The following DNTTIP2 variants were observed in gnomAD, a reference collection of about 807,000 sequenced individuals.
DNTTIP2 encodes deoxynucleotidyltransferase terminal interacting protein 2, also known as deoxynucleotidyltransferase terminal-interacting protein 2.
In DNTTIP2, 47 loss-of-function variants were observed where a neutral mutation model predicts 62.4. The observed-to-expected ratio is 0.75, with a 90% CI of 0.60 to 0.96. DNTTIP2 has a LOEUF of 0.96. DNTTIP2 is among the 40% of genes least tolerant of loss of function. The pLI, the probability that DNTTIP2 is intolerant of heterozygous loss-of-function variation, is 0.00. For missense variants in DNTTIP2, 870 were observed against 849.1 expected, an observed-to-expected ratio of 1.02 and a Z score of -0.31; for synonymous variants, 322 against 300.9, an observed-to-expected ratio of 1.07 and a Z score of -0.73.
At position 93,876,827 on chromosome 1, in the gene DNTTIP2, C is replaced by T; in HGVS notation, c.1108G>A (p.Val370Met). The change falls in exon 2 of 7, where the codon GTG becomes ATG. Residue 370 changes from valine to methionine, a missense_variant. Physicochemically the swap from Val to Met is conservative, Grantham distance 21. Transcript: ENST00000436063. The stretch of plus-strand genomic sequence containing the variant: ...TTGTTATTCCATCTGCCTACTTCCA[C>T]AGTTGCAAATGTTTGAGTTAATGAT... ...MKSLTQTFAT[V>M]EVGRWNNNKK... 6.2e-7 allele frequency: 1 copy of T among 1,613,968 alleles called. No individual in the cohort carries two copies. The highest frequency in any genetic ancestry group is 8.5e-7 in the Non-Finnish European group (1 of 1,179,900).
At position 93,868,596 on chromosome 1, in the gene DNTTIP2, C is replaced by T. The variant is rs975155603; in HGVS notation, c.*1255G>A. The T allele has an allele frequency of 5.3e-5, 8 of 152,124 alleles. No homozygotes were observed. Among genetic ancestry groups the T allele is most frequent in the African/African-American group, 1.9e-4 (8 of 41,420 alleles). 9.4% of individuals were successfully genotyped at this position (152,124 alleles called of 1,614,324 possible). A position where few individuals can be genotyped will look rare whatever the true frequency, so the allele number is the denominator to read the frequency against. ...ACAATAGAAAAGACTTGGAACCAAC[C>T]CAAATGCCCATGAATGATAGACTGG... On this transcript the variant is annotated 3_prime_UTR_variant, in exon 7 of 7. Coordinates refer to ENST00000436063, the MANE Select transcript of DNTTIP2 (RefSeq NM_014597.5).
rs1197621968 is a variant in DNTTIP2, at chr1:93,879,095, A to G, written c.54T>C (p.Ala18=). Residue 18 remains alanine, a synonymous_variant, in exon 1 of 7, where the codon GCT becomes GCC. Coordinates refer to ENST00000436063, the MANE Select transcript of DNTTIP2 (RefSeq NM_014597.5). ...RAKASIQAAS[A]ESSGQKSFAA... ...TTCCTACCTTTTGCCCGGAACTTTC[A>G]GCCGACGCGGCTTGGATGCTGGCCT... The G allele has an allele frequency of 1.1e-5, 18 of 1,613,760 alleles. No homozygotes were observed. Among genetic ancestry groups the G allele is most frequent in the Non-Finnish European group, 1.4e-5 (17 of 1,179,870 alleles).
chr1:93,875,764 T>A lies in DNTTIP2; in HGVS notation c.1687A>T (p.Ser563Cys). 1 of 1,610,032 alleles carries A rather than the reference T, an allele frequency of 6.2e-7. No individual in the cohort carries two copies. Among genetic ancestry groups the A allele is most frequent in the Non-Finnish European group, 8.5e-7 (1 of 1,179,016 alleles). Residue 563 changes from serine (S) to cysteine (C), a missense_variant, in exon 3 of 7, where the codon AGC becomes TGC. Transcript: ENST00000436063. ...TTGATACTCAGACCAGGGTCTATGC[T>A]GCTGCTTGTCAACTTCAGACTGAAA... ...KAKLLKLTSS[S>C]IDPGLSIKQL...
chr1:93,873,788 G>A (rs1046593392), intron 3 of DNTTIP2, among the ~76,000 whole-genome samples: 9 of 152,122 alleles, frequency 5.9e-5, no homozygotes, highest in Non-Finnish European at 1.3e-4. Context: ...AAATAAATTT[G>A]TGCAGTCAAA....
intron 1 of DNTTIP2, among the ~76,000 whole-genome samples, chr1:93,878,191 C>A (rs148638683): frequency 6.6e-6 from 1 of 152,106 alleles, no homozygotes; most frequent in Non-Finnish European, 1.5e-5. Flanking sequence ...GTAATCCCAA[C>A]TACTCAGGAG....
At chr1:93,871,081 T>C (rs1655850173) in intron 5 of DNTTIP2, 2 of 193,166 alleles carry the variant, frequency 1.0e-5, no homozygotes, top group African/African-American at 2.3e-5. Context: ...ATATATACTT[T>C]TTGTTCTAGT....
In DNTTIP2 at chr1:93,866,420, G is replaced by A. The variant is rs1411643640; in HGVS notation, c.*3431C>T. ...AAATAGTAAGTACAAATTCCATTAA[G>A]TAAACAATTAGGCATTTTTCAATGG... On this transcript the variant is annotated 3_prime_UTR_variant, in exon 7 of 7. Transcript: ENST00000436063. 2 of 152,160 alleles carry A rather than the reference G, an allele frequency of 1.3e-5. No homozygotes were observed. Among genetic ancestry groups the A allele is most frequent in the Admixed American group, 6.5e-5 (1 of 15,274 alleles). The allele number at this position is 152,160 out of a possible 1,614,324, so 9.4% of individuals were successfully genotyped here. A position where few individuals can be genotyped will look rare whatever the true frequency, so the allele number is the denominator to read the frequency against.
At position 93,878,964 on chromosome 1, in the gene DNTTIP2, T is replaced by TCGGGTCCTCTCTGTCGG. The variant is rs1656084905; in HGVS notation, c.72+96_72+112dup. The TCGGGTCCTCTCTGTCGG allele has an allele frequency of 8.6e-6, 12 of 1,389,474 alleles. No homozygotes were observed. The Middle Eastern group carries it at 2.3e-3, about 272-fold the overall frequency. The allele number at this position is 1,389,474 out of a possible 1,614,324, so 86.1% of individuals were successfully genotyped here. ...TGGGAGACCCAAGCGCGCGGCAAGCTCGGGTCCTCTCTGTCGGCAGGTCCT... is the reference window on the plus strand; with the variant it reads ...TGGGAGACCCAAGCGCGCGGCAAGCTCGGGTCCTCTCTGTCGGCGGGTCCTCTCTGTCGGCAGGTCCT... On this transcript the variant is annotated intron_variant, in intron 1 of 6. Transcript: ENST00000436063.
rs1251054120 is a variant in DNTTIP2 at position 93,874,058 on chromosome 1, TTC to T, written c.1807-846_1807-845del. ...ACAATTCAGGTTCAGGCCTAGATGTTTCTGTGTGGTATAGGTAGCCGTCTAGG... is the reference window on the plus strand; with the variant it reads ...ACAATTCAGGTTCAGGCCTAGATGTTTGTGTGGTATAGGTAGCCGTCTAGG... On this transcript the variant is annotated intron_variant, in intron 3 of 6. Transcript: ENST00000436063. Among the ~76,000 whole-genome samples, 5 of 152,360 alleles carry T rather than the reference TTC, an allele frequency of 3.3e-5. No homozygotes were observed. The Middle Eastern group carries it at 0.01, about 311-fold the overall frequency.
In DNTTIP2 at chr1:93,875,752, C is replaced by T; in HGVS notation, c.1699G>A (p.Gly567Ser). The T allele has an allele frequency of 6.2e-7, 1 of 1,612,894 alleles. No homozygotes were observed. Among genetic ancestry groups the T allele is most frequent in the Non-Finnish European group, 8.5e-7 (1 of 1,179,626 alleles). The change falls in exon 3 of 7, where the codon GGT becomes AGT. Residue 567 changes from glycine to serine, a missense_variant. Gly to Ser is a moderately conservative substitution (Grantham distance 56). Transcript: ENST00000436063. ...CCACCCAACTGCTTGATACTCAGAC[C>T]AGGGTCTATGCTGCTGCTTGTCAAC... is the stretch of plus-strand genomic sequence containing the variant. ...LKLTSSSIDP[G>S]LSIKQLGGLY...
Position 93,876,895 on chromosome 1 carries a change from G to A in DNTTIP2, c.1040C>T (p.Ala347Val), listed in dbSNP as rs1416545273. 1 of 1,613,880 alleles carries A rather than the reference G, an allele frequency of 6.2e-7. No homozygotes were observed. The highest frequency in any genetic ancestry group is 1.7e-5 in the Admixed American group (1 of 60,012). ...GTTCAGATTAGAGTGCACTGATACA[G>A]CATTTTTATTTTGGGGGGTTGAATG... ...QRHSTPQNKN[A>V]VSVHSNLNSE... Residue 347 changes from alanine to valine, a missense_variant, in exon 2 of 7, where the codon GCT becomes GTT. Ala to Val is a moderately conservative substitution (Grantham distance 64). Coordinates refer to ENST00000436063, the MANE Select transcript of DNTTIP2 (RefSeq NM_014597.5).
At position 93,873,123 on chromosome 1, in the gene DNTTIP2, C is replaced by T. The variant is rs201618193; in HGVS notation, c.1898G>A (p.Arg633His). Reference protein sequence around the residue: ...SESKYQLQKKRRKERQKTAGD... With the variant: ...SESKYQLQKKHRKERQKTAGD... ...TAATTAAGTCACTGTACTTACTCTG[C>T]GTTTTTTCTGAAGTTGATACTTTGA... The change falls in exon 4 of 7, where the codon CGC (arginine) becomes CAC (histidine). Residue 633 changes from arginine to histidine, a missense_variant. Arg to His is a conservative substitution (Grantham distance 29). Transcript: ENST00000436063. 1,479 of 1,603,292 alleles carry T rather than the reference C, an allele frequency of 9.2e-4. 2 individuals are homozygous for T. The highest frequency in any genetic ancestry group is 1.1e-3 in the Non-Finnish European group (1,269 of 1,172,738).
rs1489420466 is a variant in DNTTIP2, at chr1:93,867,741, G to T, written c.*2110C>A. Reference sequence around the variant, plus strand: ...TTTGTAGAAGGCCAGAAGCACTAAAGGATACAATTCTCTCATACTGGGTCC... The same window carrying T: ...TTTGTAGAAGGCCAGAAGCACTAAATGATACAATTCTCTCATACTGGGTCC... On this transcript the variant is annotated 3_prime_UTR_variant, in exon 7 of 7. Transcript: ENST00000436063. The T allele has an allele frequency of 6.6e-6, 1 of 151,936 alleles. No individual in the cohort carries two copies. The highest frequency in any genetic ancestry group is 1.5e-5 in the Non-Finnish European group (1 of 67,996). 9.4% of individuals were successfully genotyped at this position (151,936 alleles called of 1,614,324 possible).
At chr1:93,878,896 G>A (rs1656082782) in intron 1 of DNTTIP2, 181 bp downstream of exon 1, 2 of 738,728 alleles carry the variant, frequency 2.7e-6, no homozygotes, top group African/African-American at 1.8e-5. Flanking sequence ...AAGAGACAGT[G>A]GTGAAGGCTA....
chr1:93,877,169 T>C lies in DNTTIP2; in HGVS notation c.766A>G (p.Asn256Asp), dbSNP rs369212219. 14 of 1,613,422 alleles carry C rather than the reference T, an allele frequency of 8.7e-6. No individual in the cohort carries two copies. The highest frequency in any genetic ancestry group is 1.1e-5 in the Non-Finnish European group (13 of 1,179,872). The change falls in exon 2 of 7, where the codon AAT becomes GAT. Residue 256 changes from asparagine to aspartate, a missense_variant. By Grantham distance (23) the Asn-to-Asp change is conservative (BLOSUM62 1). Transcript: ENST00000436063. Reference protein sequence around the residue: ...HLQARSLSEINKPNFYNNDFD... With the variant: ...HLQARSLSEIDKPNFYNNDFD... ...TCATTATTATAGAAATTTGGCTTATTTATCTCAGAAAGAGATCTTGCTTGT... is the reference window on the plus strand; with the variant it reads ...TCATTATTATAGAAATTTGGCTTATCTATCTCAGAAAGAGATCTTGCTTGT...
At chr1:93,870,942 C>CAA (rs57384286) in intron 5 of DNTTIP2, 150 bp from the exon 6 acceptor site, 1,590 of 364,178 alleles carry the variant, frequency 4.4e-3, no homozygotes, top group East Asian at 0.011. Flanking sequence ...TTATTTAAAG[C>CAA]AAAAAAAAAA....
chr1:93,870,575 T>C (rs1655832892), intron 6 of DNTTIP2, 108 bp downstream of exon 6: 1 of 526,874 alleles, frequency 1.9e-6, no homozygotes. Context: ...TGTTAATATG[T>C]TATGGGTTAT....
At position 93,876,610 on chromosome 1, in the gene DNTTIP2, AAGAC is replaced by A. The variant is rs763661699; in HGVS notation, c.1321_1324del (p.Val441TyrfsTer2). 38 of 1,613,914 alleles carry A rather than the reference AAGAC, an allele frequency of 2.4e-5. No homozygotes were observed. Among genetic ancestry groups the A allele is most frequent in the Non-Finnish European group, 3.1e-5 (37 of 1,179,900 alleles). Reference sequence around the variant, plus strand: ...GCTTTCATCACTGCTGAGAACTAGTAAGACAGAATTATCTTTACCCTGAGATGTG... The same window carrying A: ...GCTTTCATCACTGCTGAGAACTAGTAAGAATTATCTTTACCCTGAGATGTG... On this transcript the variant is annotated frameshift_variant, in exon 2 of 7. Transcript: ENST00000436063. LOFTEE classifies it high-confidence loss of function.
In DNTTIP2 at chr1:93,877,082, T is replaced by C. The variant is rs1455406274; in HGVS notation, c.853A>G (p.Asn285Asp). The change falls in exon 2 of 7, where the codon AAT becomes GAT. Residue 285 changes from asparagine to aspartate, a missense_variant. Physicochemically the swap from Asn to Asp is conservative, Grantham distance 23. Transcript: ENST00000436063. ...TTTGTTTCTTTAAGAGATTCAACAT[T>C]GGCCTGTTCGTGCACTGTTAATATA... Reference protein sequence around the residue: ...ENILTVHEQANVESLKETKQN... With the variant: ...ENILTVHEQADVESLKETKQN... 2 of 1,611,834 alleles carry C rather than the reference T, an allele frequency of 1.2e-6. No homozygotes were observed. The highest frequency in any genetic ancestry group is 1.1e-5 in the South Asian group (1 of 91,080).
Sources: allele counts gnomAD v4.1 joint callset (sites outside exome capture counted in the v4.1 genomes callset), GRCh38; gene constraint gnomAD v4.1.1; transcripts MANE v1.5; gene names NCBI Gene and HGNC (gene_info 2026-07-23, HGNC 2026-07-21).